Variants in RNF166 observed in about 807,000 individuals in gnomAD.
RNF166 encodes the protein E3 ubiquitin-protein ligase RNF166.
In RNF166, 19 loss-of-function variants were observed where a neutral mutation model predicts 29.4. The observed-to-expected ratio is 0.65, with a 90% confidence interval of 0.45 to 0.95. The LOEUF (loss-of-function observed/expected upper bound fraction) is 0.95, where lower values mean the gene tolerates loss of function less well. Among genes scored for constraint, RNF166 ranks in the 40% least tolerant of loss-of-function variants. The pLI, the probability that RNF166 is intolerant of heterozygous loss-of-function variation, is 0.00. For synonymous variants in RNF166, 171 were observed against 134.5 expected, an observed-to-expected ratio of 1.27 and a Z score of -1.88; for missense variants, 347 against 322.1, an observed-to-expected ratio of 1.08 and a Z score of -0.59.
intron 1 of RNF166, chr16:88,704,007 C>A (rs868051276): frequency 1.0e-6 from 1 of 985,364 alleles, no homozygotes; most frequent in Non-Finnish European, 1.2e-6. Context: ...CTCAGACTGT[C>A]CCCTGGCTGA....
rs562152767 is a variant in RNF166, at chr16:88,699,864, C to T, written c.313-132G>A. On this transcript the variant is annotated intron_variant, in intron 2 of 5. Transcript: ENST00000312838. ...TCTGTGTTGCCAGCAGCAGGGGGAC[C>T]CGGTCCCTTCTGCTGCTAAAACAAT... The T allele has an allele frequency of 1.2e-3, 732 of 605,130 alleles. 5 individuals are homozygous for T. In the South Asian group the frequency reaches 0.015, roughly 12 times the overall value. 37.5% of individuals were successfully genotyped at this position (605,130 alleles called of 1,614,324 possible).
rs567273878 is a variant in RNF166 at position 88,697,468 on chromosome 16, A to T, written c.*100T>A. The T allele has an allele frequency of 1.6e-5, 14 of 857,344 alleles. 1 individual carries two copies. The South Asian group carries it at 2.1e-4, about 13-fold the overall frequency. The allele number at this position is 857,344 out of a possible 1,614,324, so 53.1% of individuals were successfully genotyped here. On this transcript the variant is annotated 3_prime_UTR_variant, in exon 6 of 6. Transcript: ENST00000312838. ...TGCGCGGGTGCAGGCTCCTCCTGTG[A>T]GCTCAGTCCGGTGAGGTGCGCTCCC... is the stretch of plus-strand genomic sequence containing the variant.
rs553408391 is a variant in RNF166, at chr16:88,697,480, T to C, written c.*88A>G. On this transcript the variant is annotated 3_prime_UTR_variant, in exon 6 of 6. Transcript: ENST00000312838. The stretch of plus-strand genomic sequence containing the variant: ...GGCTCCTCCTGTGAGCTCAGTCCGG[T>C]GAGGTGCGCTCCCGAGCAGGTGCCA... 3.1e-6 allele frequency: 3 copies of C among 966,832 alleles called. No individual in the cohort carries two copies. The African/African-American group carries it at 4.8e-5, about 16-fold the overall frequency. 59.9% of individuals were successfully genotyped at this position (966,832 alleles called of 1,614,324 possible). A position where few individuals can be genotyped will look rare whatever the true frequency, so the allele number is the denominator to read the frequency against.
At position 88,706,222 on chromosome 16, in the gene RNF166, A is replaced by G; in HGVS notation, c.104T>C (p.Ile35Thr). Residue 35 changes from isoleucine (I) to threonine (T), a missense_variant, in exon 1 of 6, where the codon ATC (isoleucine) becomes ACC (threonine). Physicochemically the swap from Ile to Thr is moderately conservative, Grantham distance 89. Transcript: ENST00000312838. ...SGLEAQYTCP[I>T]CLEVYHRPVA... ...GGGCCGGTGATAGACCTCCAGGCAG[A>G]TGGGGCAGGTGTACTGCGCCTCCAG... is the stretch of plus-strand genomic sequence containing the variant. 2 of 1,324,486 alleles carry G rather than the reference A, an allele frequency of 1.5e-6. No individual in the cohort carries two copies. Among genetic ancestry groups the G allele is most frequent in the Admixed American group, 3.3e-5 (1 of 30,612 alleles). 82.0% of individuals were successfully genotyped at this position (1,324,486 alleles called of 1,614,324 possible).
chr16:88,698,923 C>A, intron 4 of RNF166, 48 bp downstream of exon 4: 1 of 1,406,080 alleles, frequency 7.1e-7, no homozygotes, highest in Non-Finnish European at 9.8e-7. Flanking sequence ...TACTGTCCCC[C>A]ACAGGCCTCC....
intron 1 of RNF166, among the ~76,000 whole-genome samples, chr16:88,701,993 G>T (rs981373777): frequency 6.6e-6 from 1 of 152,206 alleles, no homozygotes; most frequent in Non-Finnish European, 1.5e-5. Context: ...GCAGGAGGGG[G>T]TCCTGCTCCA....
intron 1 of RNF166, 119 bp from the exon 2 acceptor site, chr16:88,701,537 A>G: frequency 2.1e-6 from 2 of 965,276 alleles, no homozygotes; most frequent in Non-Finnish European, 3.0e-6. Context: ...AGCTCCCCCT[A>G]CCGCTGTCGC....
At chr16:88,703,075 G>C in intron 1 of RNF166, 5 of 985,600 alleles carry the variant, frequency 5.1e-6, no homozygotes, top group Non-Finnish European at 6.0e-6. Flanking sequence ...CGGAAGGCCT[G>C]GAAAACAGTG....
At chr16:88,699,541 G>A (rs1448603668) in intron 3 of RNF166, 79 bp downstream of exon 3, 1 of 1,149,038 alleles carries the variant, frequency 8.7e-7, no homozygotes, top group African/African-American at 1.5e-5. Flanking sequence ...AGCCTCTCTG[G>A]GATGGGGCAC....
intron 1 of RNF166, chr16:88,703,979 TAC>T (rs1910522924): frequency 1.0e-6 from 1 of 985,454 alleles, no homozygotes; most frequent in South Asian, 4.7e-5. Flanking sequence ...GGCTTCTGGT[TAC>T]AGAGGTGGCT....
chr16:88,703,811 G>A (rs534793714), intron 1 of RNF166: 554 of 985,422 alleles, frequency 5.6e-4, no homozygotes, highest in African/African-American at 4.9e-3. Flanking sequence ...CACACTGGCC[G>A]CTGCACAAGC....
At chr16:88,700,581 G>A in intron 2 of RNF166, 4 of 985,118 alleles carry the variant, frequency 4.1e-6, no homozygotes, top group Non-Finnish European at 4.8e-6. Context: ...ATTCACCTGA[G>A]ATGTGGCAAC....
intron 1 of RNF166, 164 bp from the exon 2 acceptor site, chr16:88,701,582 C>T (rs1910239006): frequency 1.5e-6 from 1 of 664,446 alleles, no homozygotes; most frequent in South Asian, 2.0e-5. Context: ...TGTCCGGGGC[C>T]CACCAGCTGG....
At chr16:88,697,673 A>G (rs1282893145) in intron 5 of RNF166, 40 bp from the exon 6 acceptor site, 3 of 1,465,910 alleles carry the variant, frequency 2.0e-6, no homozygotes, top group South Asian at 2.4e-5. Context: ...CTCGAGGGAG[A>G]CAGGAAGGAG....
chr16:88,697,988 G>A (rs941639543), intron 5 of RNF166: 3 of 476,656 alleles, frequency 6.3e-6, no homozygotes, highest in African/African-American at 3.9e-5. Context: ...ACGACTGGCA[G>A]AGGGAGTGAC....
chr16:88,697,281 G>A lies in RNF166; in HGVS notation c.*287C>T. The A allele has an allele frequency of 6.6e-6, 2 of 304,734 alleles. No individual in the cohort carries two copies. Among genetic ancestry groups the A allele is most frequent in the Non-Finnish European group, 1.2e-5 (2 of 163,100 alleles). 18.9% of individuals were successfully genotyped at this position (304,734 alleles called of 1,614,324 possible). A position where few individuals can be genotyped will look rare whatever the true frequency, so the allele number is the denominator to read the frequency against. On this transcript the variant is annotated 3_prime_UTR_variant, in exon 6 of 6. Coordinates refer to ENST00000312838, the MANE Select transcript of RNF166 (RefSeq NM_178841.4). ...GTATCATGGCTTTGAAGAGACGGCGGCAGCTCCAGGTCCCAGCGTCCAGCC... is the reference window on the plus strand; with the variant it reads ...GTATCATGGCTTTGAAGAGACGGCGACAGCTCCAGGTCCCAGCGTCCAGCC...
At chr16:88,698,826 G>A (rs1024605306) in intron 4 of RNF166, 145 bp downstream of exon 4, 39 of 709,420 alleles carry the variant, frequency 5.5e-5, no homozygotes, top group African/African-American at 2.8e-4. Context: ...GGTGCTGCTC[G>A]GGCAGCCAAG....
At chr16:88,702,136 T>A (rs1910302325) in intron 1 of RNF166, among the ~76,000 whole-genome samples, 1 of 152,242 alleles carries the variant, frequency 6.6e-6, no homozygotes, top group South Asian at 2.1e-4. Flanking sequence ...CAGCAGGGGC[T>A]TCCTTGGGCT....
rs142724526 is a variant in RNF166, at chr16:88,704,257, C to G, written c.155+1914G>C. 2.5e-3 allele frequency: 2,441 copies of G among 985,438 alleles called. 14 individuals carry two copies. The highest frequency in any genetic ancestry group is 0.023 in the South Asian group (493 of 21,288). The allele number at this position is 985,438 out of a possible 1,614,324, so 61.0% of individuals were successfully genotyped here. A position where few individuals can be genotyped will look rare whatever the true frequency, so the allele number is the denominator to read the frequency against. On this transcript the variant is annotated intron_variant, in intron 1 of 5. Transcript: ENST00000312838. ...ATGCCTTAGCAACACCAACAAGAAA[C>G]AAAGTTAGAAGCAGAGAGAGAACAG...
Sources: gnomAD v4.1 joint callset for allele counts (sites outside exome capture counted in the v4.1 genomes callset) on GRCh38, gnomAD v4.1.1 for gene constraint, MANE v1.5 for transcripts, NCBI Gene and HGNC (gene_info 2026-07-23, HGNC 2026-07-21) for gene names.